The following CACNG4 variants were observed in gnomAD, a reference collection of about 807,000 sequenced individuals.
CACNG4 encodes calcium voltage-gated channel auxiliary subunit gamma 4, also known as voltage-dependent calcium channel gamma-4 subunit.
CACNG4 carries 8 observed loss-of-function variants against 22.9 expected under a neutral mutation model. That is an observed-to-expected ratio of 0.35 (90% CI 0.21 to 0.63). The LOEUF (loss-of-function observed/expected upper bound fraction) is 0.63. CACNG4 is among the 30% of genes least tolerant of loss of function. The pLI is 0.72. For missense variants in CACNG4, 357 were observed against 455.4 expected, an observed-to-expected ratio of 0.78 and a Z score of 1.97; for synonymous variants, 188 against 191.9, an observed-to-expected ratio of 0.98 and a Z score of 0.17.
chr17:67,018,051 C>T (rs1475560672), intron 1 of CACNG4, 138 bp from the exon 2 acceptor site: 8 of 659,820 alleles, frequency 1.2e-5, no homozygotes, highest in South Asian at 3.6e-5. Context: ...CAGACTGGAA[C>T]GCTGGAGCCT....
At chr17:66,989,020 C>G (rs1229045418) in intron 1 of CACNG4, among the ~76,000 whole-genome samples, 1 of 134,762 alleles carries the variant, frequency 7.4e-6, no homozygotes, top group African/African-American at 3.1e-5. Context: ...AAGATCATGC[C>G]ACTGTACTCC....
intron 1 of CACNG4, among the ~76,000 whole-genome samples, chr17:67,004,924 G>A (rs747128916): frequency 3.3e-5 from 5 of 152,072 alleles, no homozygotes; most frequent in Non-Finnish European, 5.9e-5. Context: ...AGGTCTTGCC[G>A]TGTTGTCCGA....
At chr17:66,966,814 C>T (rs531156503) in intron 1 of CACNG4, among the ~76,000 whole-genome samples, 1 of 152,174 alleles carries the variant, frequency 6.6e-6, no homozygotes, top group Non-Finnish European at 1.5e-5. Flanking sequence ...CATGATCACA[C>T]CCTCCTCTTT....
intron 1 of CACNG4, among the ~76,000 whole-genome samples, chr17:66,991,267 GGT>G (rs1488957794): frequency 2.0e-5 from 3 of 152,000 alleles, no homozygotes; most frequent in African/African-American, 7.2e-5. Flanking sequence ...TCTCCCAAAT[GGT>G]AAGAATCACA....
At chr17:67,002,618 T>TTCTCTCTCTCTCTCTCTCTC (rs58727233) in intron 1 of CACNG4, among the ~76,000 whole-genome samples, 239 of 145,518 alleles carry the variant, frequency 1.6e-3, no homozygotes, top group East Asian at 6.0e-3. Flanking sequence ...ATCTCTCTCT[T>TTCTCTCTCTCTCTCTCTCTC]TCTCTCTCTC....
In CACNG4 at chr17:67,030,543, A is replaced by C; in HGVS notation, c.523A>C (p.Lys175Gln). ...GDPSDKRDED[K>Q]KNHYNYGWSF... Reference sequence around the variant, plus strand: ...CCCGAGTGACAAGCGGGACGAAGACAAAAAGAACCATTACAACTACGGCTG... The same window carrying C: ...CCCGAGTGACAAGCGGGACGAAGACCAAAAGAACCATTACAACTACGGCTG... Residue 175 changes from lysine (K) to glutamine (Q), a missense_variant, in exon 4 of 4, where the codon AAA becomes CAA. Lys to Gln is a moderately conservative substitution (Grantham distance 53). Around this residue, in one of 3 missense-constraint regions of CACNG4, gnomAD observed 240 missense variants for 277.6 expected, o/e 0.86. Transcript: ENST00000262138. This position sits in a 1 kb window ranked among gnomAD's most constrained non-coding sequence, Gnocchi z 6.4. The C allele has an allele frequency of 6.2e-7, 1 of 1,614,224 alleles. No individual in the cohort carries two copies.
chr17:67,007,867 C>T (rs1367601187), intron 1 of CACNG4, among the ~76,000 whole-genome samples: 1 of 152,168 alleles, frequency 6.6e-6, no homozygotes, highest in Non-Finnish European at 1.5e-5. Flanking sequence ...TTCAGGGACC[C>T]AGGCTTCCTT....
intron 1 of CACNG4, among the ~76,000 whole-genome samples, chr17:66,968,713 C>G (rs1300869523): frequency 1.2e-5 from 1 of 83,482 alleles, no homozygotes; most frequent in African/African-American, 5.0e-5. Flanking sequence ...CCTCACCTTC[C>G]CTCCTTCTCT....
chr17:67,025,759 C>A (rs1458127565), intron 3 of CACNG4, among the ~76,000 whole-genome samples: 1 of 152,266 alleles, frequency 6.6e-6, no homozygotes, highest in East Asian at 1.9e-4. Context: ...TCCCAGAGCA[C>A]CCTTGTCCTG....
At chr17:66,971,800 G>T (rs2035206469) in intron 1 of CACNG4, among the ~76,000 whole-genome samples, 1 of 152,206 alleles carries the variant, frequency 6.6e-6, no homozygotes, top group Non-Finnish European at 1.5e-5. Context: ...GAGGTCAGGG[G>T]TTGGGCTGGG....
At chr17:66,969,113 G>T (rs2035188951) in intron 1 of CACNG4, among the ~76,000 whole-genome samples, 1 of 152,202 alleles carries the variant, frequency 6.6e-6, no homozygotes, top group South Asian at 2.1e-4. Context: ...AGTGGGTACA[G>T]AATGTAAGCA....
chr17:66,996,465 C>T (rs748290647), intron 1 of CACNG4, among the ~76,000 whole-genome samples: 7 of 149,846 alleles, frequency 4.7e-5, no homozygotes, highest in Non-Finnish European at 7.4e-5. Context: ...CTGCAACCTC[C>T]GCCTCCCAGG....
chr17:66,971,471 C>G (rs1223375106), intron 1 of CACNG4, among the ~76,000 whole-genome samples: 1 of 152,174 alleles, frequency 6.6e-6, no homozygotes, highest in East Asian at 1.9e-4. Flanking sequence ...ACATGCAGGG[C>G]TCAGGGTCAC....
At position 67,032,386 on chromosome 17, in the gene CACNG4, TC is replaced by T. The variant is rs1331823240; in HGVS notation, c.*1383del. 2.3e-4 allele frequency: 45 copies of T among 197,882 alleles called. No homozygotes were observed. The highest frequency in any genetic ancestry group is 2.1e-4 in the Admixed American group (4 of 18,884). 12.3% of individuals were successfully genotyped at this position (197,882 alleles called of 1,614,324 possible). On this transcript the variant is annotated 3_prime_UTR_variant, in exon 4 of 4. Transcript: ENST00000262138. The stretch of plus-strand genomic sequence containing the variant: ...CCTCTTTTGTATAAAACATGTGCTT[TC>T]TAAAGAAAAATTGTTTCTTATTTTT...
chr17:66,975,397 C>A (rs2035230248), intron 1 of CACNG4, among the ~76,000 whole-genome samples: 2 of 152,134 alleles, frequency 1.3e-5, no homozygotes, highest in Admixed American at 1.3e-4. Flanking sequence ...GTCCAGACTC[C>A]CACTTGTCAG....
At chr17:66,966,172 C>G (rs961730063) in intron 1 of CACNG4, among the ~76,000 whole-genome samples, 1 of 152,014 alleles carries the variant, frequency 6.6e-6, no homozygotes, top group Admixed American at 6.6e-5. Flanking sequence ...CGCTCGGCTT[C>G]GGCGCCTTCC....
intron 1 of CACNG4, among the ~76,000 whole-genome samples, chr17:66,986,110 C>T (rs1231691402): frequency 1.3e-5 from 2 of 152,190 alleles, no homozygotes; most frequent in East Asian, 1.9e-4. Context: ...GGATTGTTCC[C>T]GGATGCCTAA....
chr17:67,016,129 C>A (rs184261895), intron 1 of CACNG4, among the ~76,000 whole-genome samples: 1 of 152,316 alleles, frequency 6.6e-6, no homozygotes, highest in Non-Finnish European at 1.5e-5. Context: ...TCTGAGCCAC[C>A]ACCATGGGCC....
chr17:66,971,065 A>AG (rs1439852184), intron 1 of CACNG4, among the ~76,000 whole-genome samples: 2 of 152,134 alleles, frequency 1.3e-5, no homozygotes, highest in East Asian at 3.9e-4. Flanking sequence ...TGTGCAGGGG[A>AG]GGGGGCCTGG....
Sources: allele counts gnomAD v4.1 joint callset (sites outside exome capture counted in the v4.1 genomes callset), GRCh38; gene constraint gnomAD v4.1.1; regional missense constraint gnomAD v4.1.1; non-coding constraint Gnocchi (gnomAD v3.1); transcripts MANE v1.5; gene names NCBI Gene and HGNC (gene_info 2026-07-23, HGNC 2026-07-21).